RORA: variants seen among roughly 807,000 people sequenced by gnomAD.
RORA encodes the protein nuclear receptor ROR-alpha.
RORA carries 7 observed loss-of-function variants against 69.5 expected under a neutral mutation model. That is an observed-to-expected ratio of 0.10 (90% CI 0.06 to 0.19). The LOEUF (loss-of-function observed/expected upper bound fraction) is 0.19, where lower values mean the gene tolerates loss of function less well. RORA is among the 10% of genes least tolerant of loss of function. The pLI, the probability that RORA is intolerant of heterozygous loss-of-function variation, is 1.00. For missense variants in RORA, 457 were observed against 663.0 expected (o/e 0.69, Z 3.41); for synonymous variants, 261 against 240.8 (o/e 1.08, Z -0.78).
intron 2 of RORA, chr15:60,558,308 T>C: frequency 1.2e-6 from 2 of 1,607,340 alleles, no homozygotes; most frequent in Non-Finnish European, 1.7e-6. Flanking sequence ...AGTTCATCCC[T>C]GGAACGAAAA....
At position 60,746,961 on chromosome 15, in the gene RORA, G is replaced by A. The variant is rs537531670; in HGVS notation, c.167-68275C>T. The stretch of plus-strand genomic sequence containing the variant: ...ATAAAATAGTGAGTAGAAACTCACC[G>A]ATCGACTCTAGTTAGTGTCAGCCTC... On this transcript the variant is annotated intron_variant, in intron 1 of 10. Coordinates refer to ENST00000335670, the MANE Select transcript of RORA (RefSeq NM_134261.3). 5.1e-4 allele frequency among the ~76,000 whole-genome samples: 77 copies of A among 152,250 alleles called. 1 individual carries two copies. The highest frequency in any genetic ancestry group is 1.8e-3 in the African/African-American group (74 of 41,538).
chr15:60,635,129 C>T (rs761830439), intron 2 of RORA, among the ~76,000 whole-genome samples: 5 of 152,236 alleles, frequency 3.3e-5, no homozygotes, highest in Admixed American at 6.5e-5. Context: ...TGACTCTGCA[C>T]ATCGATGTGC....
intron 1 of RORA, among the ~76,000 whole-genome samples, chr15:60,900,591 G>A (rs1891359898): frequency 1.3e-5 from 2 of 152,064 alleles, no homozygotes; most frequent in Non-Finnish European, 1.5e-5. Context: ...AGGACCATAT[G>A]GGCTGGGTGC....
At chr15:61,211,476 C>G (rs1246680830) in intron 1 of RORA, among the ~76,000 whole-genome samples, 2 of 152,196 alleles carry the variant, frequency 1.3e-5, no homozygotes, top group Non-Finnish European at 2.9e-5. Flanking sequence ...AAAATATTTC[C>G]CTGATATTTT....
chr15:60,914,006 G>A (rs931479931), intron 1 of RORA, among the ~76,000 whole-genome samples: 3 of 152,144 alleles, frequency 2.0e-5, no homozygotes, highest in Non-Finnish European at 4.4e-5. Context: ...TGTATGAAAG[G>A]GACCGTGCCT....
At chr15:60,914,867 A>G (rs1329545760) in intron 1 of RORA, among the ~76,000 whole-genome samples, 1 of 152,220 alleles carries the variant, frequency 6.6e-6, no homozygotes, top group African/African-American at 2.4e-5. Flanking sequence ...ACCGGGGGTC[A>G]GTGGGCCATC....
At position 61,081,614 on chromosome 15, in the gene RORA, T is replaced by A. The variant is rs745881700; in HGVS notation, c.166+147439A>T. 1.1e-4 allele frequency among the ~76,000 whole-genome samples: 16 copies of A among 152,120 alleles called. No homozygotes were observed. The Middle Eastern group carries it at 0.01, about 97-fold the overall frequency. ...CGGGGTCAGGAGATCGAGACCATCC[T>A]GGCTAACATGGTGAAACCCCATCTC... is the stretch of plus-strand genomic sequence containing the variant. On this transcript the variant is annotated intron_variant, in intron 1 of 10. Coordinates refer to ENST00000335670, the MANE Select transcript of RORA (RefSeq NM_134261.3).
intron 1 of RORA, among the ~76,000 whole-genome samples, chr15:61,034,336 C>T (rs1896340412): frequency 6.6e-6 from 1 of 152,162 alleles, no homozygotes; most frequent in South Asian, 2.1e-4. Flanking sequence ...TATTTGGTGG[C>T]ACAAAGTGAT....
intron 1 of RORA, among the ~76,000 whole-genome samples, chr15:60,850,567 C>T (rs1430154105): frequency 6.6e-6 from 1 of 152,060 alleles, no homozygotes; most frequent in Non-Finnish European, 1.5e-5. Context: ...TAAGAGACAC[C>T]CTCTCCTGTG....
intron 1 of RORA, among the ~76,000 whole-genome samples, chr15:60,733,564 C>T (rs1336293129): frequency 6.6e-6 from 1 of 151,980 alleles, no homozygotes; most frequent in Non-Finnish European, 1.5e-5. Flanking sequence ...AGGATATTCC[C>T]CATGAATAAG....
At position 60,863,511 on chromosome 15, in the gene RORA, C is replaced by T. The variant is rs149180449; in HGVS notation, c.167-184825G>A. Among the ~76,000 whole-genome samples the T allele has an allele frequency of 2.8e-3, 422 of 152,318 alleles. 2 individuals carry two copies. Among genetic ancestry groups the T allele is most frequent in the African/African-American group, 9.8e-3 (406 of 41,568 alleles). On this transcript the variant is annotated intron_variant, in intron 1 of 10. Coordinates refer to ENST00000335670, the MANE Select transcript of RORA (RefSeq NM_134261.3). ...CAAACACATTCTTATTTAAGCAAAT[C>T]TGGCCTACGAAAAGCTGTATTCATG...
At chr15:60,917,562 G>A (rs1891915328) in intron 1 of RORA, among the ~76,000 whole-genome samples, 1 of 152,126 alleles carries the variant, frequency 6.6e-6, no homozygotes. Context: ...TAACTGACGA[G>A]GCATCCACGA....
At chr15:61,001,918 T>A (rs1894758989) in intron 1 of RORA, among the ~76,000 whole-genome samples, 1 of 152,140 alleles carries the variant, frequency 6.6e-6, no homozygotes, top group Non-Finnish European at 1.5e-5. Context: ...AAGAGTCGGC[T>A]GAGGTGGGCA....
chr15:60,813,402 C>A (rs547823896), intron 1 of RORA, among the ~76,000 whole-genome samples: 1 of 152,222 alleles, frequency 6.6e-6, no homozygotes, highest in African/African-American at 2.4e-5. Context: ...TTGCTCACGT[C>A]CCACGAAGTG....
intron 1 of RORA, among the ~76,000 whole-genome samples, chr15:61,019,420 TG>T (rs1322038332): frequency 6.6e-6 from 1 of 152,246 alleles, no homozygotes; most frequent in Non-Finnish European, 1.5e-5. Flanking sequence ...TGTCAGTCGA[TG>T]ATTATCAAGT....
intron 1 of RORA, among the ~76,000 whole-genome samples, chr15:61,011,751 C>T (rs1895094620): frequency 6.6e-6 from 1 of 152,202 alleles, no homozygotes; most frequent in South Asian, 2.1e-4. Flanking sequence ...AGGGTTTAGC[C>T]CTCAAGCAGG....
chr15:60,721,713 A>G (rs879327967), intron 1 of RORA, among the ~76,000 whole-genome samples: 8 of 152,274 alleles, frequency 5.3e-5, no homozygotes, highest in Non-Finnish European at 1.0e-4. Context: ...CAGATATAGG[A>G]AACATTTATA....
At chr15:60,727,056 G>C (rs1046661831) in intron 1 of RORA, among the ~76,000 whole-genome samples, 6 of 152,152 alleles carry the variant, frequency 3.9e-5, no homozygotes, top group South Asian at 2.1e-4. Flanking sequence ...GCTCACACAG[G>C]TTTGCTGGTT....
intron 1 of RORA, among the ~76,000 whole-genome samples, chr15:60,976,671 A>G (rs530470145): frequency 9.2e-5 from 14 of 152,272 alleles, no homozygotes; most frequent in African/African-American, 3.1e-4. Flanking sequence ...GAAGGTGCTA[A>G]TCATCTCAGG....
Sources: gnomAD v4.1 joint callset for allele counts (sites outside exome capture counted in the v4.1 genomes callset) on GRCh38, gnomAD v4.1.1 for gene constraint, MANE v1.5 for transcripts, NCBI Gene and HGNC (gene_info 2026-07-23, HGNC 2026-07-21) for gene names.